The following XPR1 variants were observed in gnomAD, a reference collection of about 807,000 sequenced individuals.
The protein encoded by XPR1 is xenotropic and polytropic retrovirus receptor 1.
A neutral mutation model predicts 87.5 loss-of-function variants in XPR1; 28 were observed. The observed-to-expected ratio is 0.32, with a 90% CI of 0.24 to 0.44. XPR1 has a LOEUF of 0.44. XPR1 is among the 20% of genes least tolerant of loss of function. XPR1 has a pLI of 1.00. For missense variants in XPR1, 559 were observed against 862.3 expected (o/e 0.65, Z 4.41); for synonymous variants, 300 against 306.1 (o/e 0.98, Z 0.21).
intron 9 of XPR1, among the ~76,000 whole-genome samples, chr1:180,826,560 A>G (rs1571873625): frequency 6.6e-6 from 1 of 152,170 alleles, no homozygotes; most frequent in East Asian, 1.9e-4. Flanking sequence ...AAAGGAAAAA[A>G]CAAAGAAAGA....
intron 2 of XPR1, among the ~76,000 whole-genome samples, chr1:180,736,657 G>A (rs919614224): frequency 1.3e-5 from 2 of 152,164 alleles, no homozygotes; most frequent in African/African-American, 4.8e-5. Context: ...ATTTAATAAT[G>A]TGTTAAGTGA....
intron 2 of XPR1, among the ~76,000 whole-genome samples, chr1:180,687,471 C>G (rs1421654837): frequency 6.6e-6 from 1 of 152,148 alleles, no homozygotes; most frequent in African/African-American, 2.4e-5. Flanking sequence ...TTTCTTTATA[C>G]TTTCATGTAA....
At chr1:180,743,980 A>G (rs552910940) in intron 2 of XPR1, among the ~76,000 whole-genome samples, 2 of 152,150 alleles carry the variant, frequency 1.3e-5, no homozygotes, top group East Asian at 1.9e-4. Flanking sequence ...TTTGGAGTTT[A>G]CTCAGCTTCT....
At chr1:180,761,771 G>A (rs1043880797) in intron 2 of XPR1, among the ~76,000 whole-genome samples, 3 of 152,094 alleles carry the variant, frequency 2.0e-5, no homozygotes, top group Admixed American at 6.5e-5. Flanking sequence ...CCATTACTGG[G>A]TATATACCCA....
intron 7 of XPR1, among the ~76,000 whole-genome samples, chr1:180,816,788 CATG>C (rs1248436704): frequency 1.3e-5 from 2 of 152,166 alleles, no homozygotes; most frequent in African/African-American, 2.4e-5. Context: ...AATACTTGAT[CATG>C]ATAATAAATG....
chr1:180,855,317 TTTGTCCTTTGTTAACATA>T, intron 11 of XPR1, among the ~76,000 whole-genome samples: 1 of 152,284 alleles, frequency 6.6e-6, no homozygotes, highest in South Asian at 2.1e-4. Flanking sequence ...TTTAATGTAT[TTTGTCCTTTGTTAACATA>T]TTATTAAATT....
At chr1:180,839,339 CAGT>C (rs1160792233) in intron 11 of XPR1, among the ~76,000 whole-genome samples, 2 of 152,170 alleles carry the variant, frequency 1.3e-5, no homozygotes, top group Non-Finnish European at 2.9e-5. Flanking sequence ...CTAACCTAGA[CAGT>C]AGACCATCGT....
rs1009441967 is a variant in XPR1 at position 180,647,902 on chromosome 1, C to CAAAAAA, written c.69+15650_69+15655dup. 3.2e-3 allele frequency among the ~76,000 whole-genome samples: 179 copies of CAAAAAA among 55,916 alleles called. 2 individuals are homozygous for CAAAAAA. The highest frequency in any genetic ancestry group is 7.9e-3 in the African/African-American group (146 of 18,586). The allele number at this position is 55,916 out of a possible 152,430, so 36.7% of individuals were successfully genotyped here. ...GGTGACAGAGTGAGACTCTTATCTGCAAAAAAAAAAAAAAAAAAAAAAAGG... is the reference window on the plus strand; with the variant it reads ...GGTGACAGAGTGAGACTCTTATCTGCAAAAAAAAAAAAAAAAAAAAAAAAAAAAAGG... On this transcript the variant is annotated intron_variant, in intron 1 of 14. Transcript: ENST00000367590.
chr1:180,844,387 T>C (rs1488110749), intron 11 of XPR1, among the ~76,000 whole-genome samples: 1 of 152,082 alleles, frequency 6.6e-6, no homozygotes, highest in Non-Finnish European at 1.5e-5. Context: ...TCAGAAAATG[T>C]CATATCTAGG....
chr1:180,831,156 A>C (rs1283530200), intron 9 of XPR1, among the ~76,000 whole-genome samples: 2 of 152,168 alleles, frequency 1.3e-5, no homozygotes, highest in Admixed American at 6.5e-5. Context: ...CAGATGGAGT[A>C]CCATCCTTTC....
chr1:180,681,014 T>C (rs1656559097), intron 1 of XPR1, among the ~76,000 whole-genome samples: 1 of 152,076 alleles, frequency 6.6e-6, no homozygotes, highest in Non-Finnish European at 1.5e-5. Context: ...ATAGTTGATC[T>C]CATAGAAATA....
At chr1:180,720,031 G>C (rs1339031097) in intron 2 of XPR1, among the ~76,000 whole-genome samples, 2 of 151,510 alleles carry the variant, frequency 1.3e-5, no homozygotes, top group Non-Finnish European at 2.9e-5. Flanking sequence ...TTTTTTTCTT[G>C]GGGATTAGTA....
chr1:180,711,716 G>A (rs1657804265), intron 2 of XPR1, among the ~76,000 whole-genome samples: 1 of 152,192 alleles, frequency 6.6e-6, no homozygotes, highest in African/African-American at 2.4e-5. Flanking sequence ...AAATTTTGAT[G>A]TAGTCCAATT....
intron 2 of XPR1, among the ~76,000 whole-genome samples, chr1:180,780,310 C>T (rs1433877218): frequency 6.6e-6 from 1 of 152,178 alleles, no homozygotes; most frequent in Non-Finnish European, 1.5e-5. Context: ...TCTGCATATT[C>T]TTACCAACAC....
intron 11 of XPR1, among the ~76,000 whole-genome samples, chr1:180,837,969 C>T (rs1336466031): frequency 6.6e-6 from 1 of 152,124 alleles, no homozygotes; most frequent in African/African-American, 2.4e-5. Flanking sequence ...TATTTTAGAA[C>T]ATAATATACC....
intron 3 of XPR1, among the ~76,000 whole-genome samples, chr1:180,799,325 A>G (rs181502186): frequency 4.5e-4 from 69 of 152,312 alleles, no homozygotes; most frequent in African/African-American, 1.6e-3. Flanking sequence ...TATTTTGGTT[A>G]TGTTGGGGAC....
chr1:180,648,913 GATA>G (rs1479547367), intron 1 of XPR1, among the ~76,000 whole-genome samples: 5 of 152,102 alleles, frequency 3.3e-5, no homozygotes, highest in African/African-American at 7.2e-5. Flanking sequence ...TGACATCTCT[GATA>G]ATAATATTTT....
In XPR1 at chr1:180,885,472, C is replaced by G. The variant is rs923985414; in HGVS notation, c.*1406C>G. On this transcript the variant is annotated 3_prime_UTR_variant, in exon 15 of 15. Coordinates refer to ENST00000367590, the MANE Select transcript of XPR1 (RefSeq NM_004736.4). ...ACAGTGCCCATTGTCACTTCTTTGT[C>G]TCATTTCTTCCCTTTGTTCCTTAGT... The G allele has an allele frequency of 6.6e-6, 1 of 152,174 alleles. No individual in the cohort carries two copies. The highest frequency in any genetic ancestry group is 1.5e-5 in the Non-Finnish European group (1 of 68,036). The allele number at this position is 152,174 out of a possible 1,614,324, so 9.4% of individuals were successfully genotyped here. A position where few individuals can be genotyped will look rare whatever the true frequency, so the allele number is the denominator to read the frequency against.
intron 1 of XPR1, among the ~76,000 whole-genome samples, chr1:180,680,485 C>T (rs1215118032): frequency 6.7e-6 from 1 of 150,174 alleles, no homozygotes; most frequent in Non-Finnish European, 1.5e-5. Context: ...CCTGTCTCAG[C>T]CTCCCGAGTA....
Sources: gnomAD v4.1 joint callset for allele counts (sites outside exome capture counted in the v4.1 genomes callset) on GRCh38, gnomAD v4.1.1 for gene constraint, MANE v1.5 for transcripts, NCBI Gene and HGNC (gene_info 2026-07-23, HGNC 2026-07-21) for gene names.